Variants in TMEM19 observed in about 807,000 individuals in gnomAD.
TMEM19 encodes transmembrane protein 19.
TMEM19 carries 21 observed loss-of-function variants against 33.6 expected under a neutral mutation model. That is an observed-to-expected ratio of 0.62 (90% CI 0.44 to 0.90). The LOEUF is 0.90. Ranked by LOEUF, TMEM19 falls within the 40% of genes least tolerant of loss-of-function variation. The probability of loss-of-function intolerance (pLI) is 0.00; values close to 1 mark genes in which losing one functional copy is unlikely to be tolerated. For missense variants in TMEM19, 402 were observed against 401.8 expected, an observed-to-expected ratio of 1.00 and a Z score of 0.00; for synonymous variants, 149 against 147.5, an observed-to-expected ratio of 1.01 and a Z score of -0.07.
intron 5 of TMEM19, chr12:71,699,957 G>T (rs1881947413): frequency 6.6e-6 from 1 of 152,192 alleles, no homozygotes; most frequent in East Asian, 1.9e-4. Flanking sequence ...CACATATTCT[G>T]TTAGGTGTGT....
rs150870723 is a variant in TMEM19, at chr12:71,699,579, G to A, written c.847+470G>A. The A allele has an allele frequency of 1.0e-3, 183 of 176,852 alleles. 1 individual carries two copies. The highest frequency in any genetic ancestry group is 3.7e-3 in the African/African-American group (153 of 41,820). 11.0% of individuals were successfully genotyped at this position (176,852 alleles called of 1,614,324 possible). ...AGATATATGGTCGATGTCTGGGCACGGTGGCTCACATCTATAATCCCAGCA... is the reference window on the plus strand; with the variant it reads ...AGATATATGGTCGATGTCTGGGCACAGTGGCTCACATCTATAATCCCAGCA... On this transcript the variant is annotated intron_variant, in intron 5 of 5. Coordinates refer to ENST00000266673, the MANE Select transcript of TMEM19 (RefSeq NM_018279.4).
intron 5 of TMEM19, 79 bp from the exon 6 acceptor site, chr12:71,700,753 A>AT: frequency 7.8e-7 from 1 of 1,274,072 alleles, no homozygotes; most frequent in Non-Finnish European, 1.0e-6. Flanking sequence ...AGTATAATAA[A>AT]AAAAAAAAAA....
intron 2 of TMEM19, among the ~76,000 whole-genome samples, chr12:71,696,183 T>A (rs191922663): frequency 3.3e-3 from 503 of 152,230 alleles, no homozygotes; most frequent in Non-Finnish European, 5.3e-3. Context: ...AAGATAATTT[T>A]AAAAATATTA....
chr12:71,702,251 CA>C lies in TMEM19; in HGVS notation c.*1257del, dbSNP rs5799054. 0.061 allele frequency: 9,319 copies of C among 152,254 alleles called. 327 individuals carry two copies. The highest frequency in any genetic ancestry group is 0.088 in the South Asian group (426 of 4,826). The allele number at this position is 152,254 out of a possible 1,614,324, so 9.4% of individuals were successfully genotyped here. A position where few individuals can be genotyped will look rare whatever the true frequency, so the allele number is the denominator to read the frequency against. The stretch of plus-strand genomic sequence containing the variant: ...CCCTTAACCTTTAAGCCAGTTAGAT[CA>C]GGGGGTTGCAACAATTGGGTTAAAC... On this transcript the variant is annotated 3_prime_UTR_variant, in exon 6 of 6. Transcript: ENST00000266673.
At position 71,701,179 on chromosome 12, in the gene TMEM19, T is replaced by C. The variant is rs1048897; in HGVS notation, c.*184T>C. On this transcript the variant is annotated 3_prime_UTR_variant, in exon 6 of 6. Transcript: ENST00000266673. ...CCTGTAATAGCTAGCGTCTTTCTAG[T>C]GAAAGAGAAGAATTCCTAGAACTTA... is the stretch of plus-strand genomic sequence containing the variant. 92,517 of 503,980 alleles carry C rather than the reference T, an allele frequency of 0.18. 10,328 individuals are homozygous for C. Among genetic ancestry groups the C allele is most frequent in the East Asian group, 0.41 (12,185 of 29,412 alleles). 31.2% of individuals were successfully genotyped at this position (503,980 alleles called of 1,614,324 possible).
intron 5 of TMEM19, chr12:71,699,413 G>C (rs1189607677): frequency 3.9e-6 from 2 of 519,294 alleles, no homozygotes; most frequent in Non-Finnish European, 6.8e-6. Flanking sequence ...TTTGGGATCA[G>C]ATCATTTTAA....
At chr12:71,691,125 T>C (rs1455956388) in intron 2 of TMEM19, among the ~76,000 whole-genome samples, 2 of 152,212 alleles carry the variant, frequency 1.3e-5, no homozygotes, top group Admixed American at 1.3e-4. Context: ...CAACATTTAT[T>C]CAGTGCTTGT....
chr12:71,694,439 T>C (rs537896408), intron 2 of TMEM19, among the ~76,000 whole-genome samples: 9 of 152,350 alleles, frequency 5.9e-5, no homozygotes, highest in African/African-American at 1.9e-4. Flanking sequence ...CTCTGTCATG[T>C]ACCCAGAGTT....
intron 4 of TMEM19, among the ~76,000 whole-genome samples, chr12:71,698,415 A>C (rs1279782640): frequency 6.6e-6 from 1 of 152,214 alleles, no homozygotes; most frequent in South Asian, 2.1e-4. Context: ...AAGAAGTTAG[A>C]TAAATTAACT....
chr12:71,700,391 T>C (rs1881955713), intron 5 of TMEM19, among the ~76,000 whole-genome samples: 1 of 152,164 alleles, frequency 6.6e-6, no homozygotes, highest in African/African-American at 2.4e-5. Flanking sequence ...ACCCTGCGTT[T>C]ACAGTACTGT....
chr12:71,690,657 G>A (rs1027525907), intron 2 of TMEM19, among the ~76,000 whole-genome samples: 1 of 152,202 alleles, frequency 6.6e-6, no homozygotes, highest in African/African-American at 2.4e-5. Context: ...ATTGTAAAGT[G>A]TGTATGTTGG....
In TMEM19 at chr12:71,686,645, T is replaced by A. The variant is rs1881694038; in HGVS notation, c.-36T>A. On this transcript the variant is annotated 5_prime_UTR_variant, in exon 1 of 6. Coordinates refer to ENST00000266673, the MANE Select transcript of TMEM19 (RefSeq NM_018279.4). ...ATGACTTTCTCTCCGAAACGCTAAA[T>A]ATTCTTTCCCGCAGGAGCTCATATC... 1 of 1,606,426 alleles carries A rather than the reference T, an allele frequency of 6.2e-7. No homozygotes were observed.
chr12:71,696,983 C>G (rs950749635), intron 3 of TMEM19, among the ~76,000 whole-genome samples: 1 of 152,070 alleles, frequency 6.6e-6, no homozygotes, highest in Non-Finnish European at 1.5e-5. Flanking sequence ...TTTAAACTGT[C>G]AAAACACATC....
rs763295574 is a variant in TMEM19, at chr12:71,696,534, G to C, written c.343G>C (p.Gly115Arg). 6.2e-7 allele frequency: 1 copy of C among 1,611,436 alleles called. No homozygotes were observed. The highest frequency in any genetic ancestry group is 1.1e-5 in the South Asian group (1 of 90,658). ...LSSSKLTKWK[G>R]EVKKRLDSEY... ...TTCTTCGAAACTCACTAAATGGAAG[G>C]GAGAAGTGAAGAAGCGTCTAGATTC... The change falls in exon 3 of 6, where the codon GGA (glycine) becomes CGA (arginine). Residue 115 changes from glycine (G) to arginine (R), a missense_variant. Coordinates refer to ENST00000266673, the MANE Select transcript of TMEM19 (RefSeq NM_018279.4).
At chr12:71,697,644 T>A in intron 4 of TMEM19, 110 bp downstream of exon 4, 1 of 1,341,536 alleles carries the variant, frequency 7.5e-7, no homozygotes. Context: ...TTTAGAGCCT[T>A]TTAAGAACTT....
rs1881972779 is a variant in TMEM19, at chr12:71,701,199, A to T, written c.*204A>T. ...TCTAGTGAAAGAGAAGAATTCCTAG[A>T]ACTTATGCATTTTTTTCCTGCTGAA... On this transcript the variant is annotated 3_prime_UTR_variant, in exon 6 of 6. Coordinates refer to ENST00000266673, the MANE Select transcript of TMEM19 (RefSeq NM_018279.4). The T allele has an allele frequency of 2.2e-6, 1 of 448,942 alleles. No homozygotes were observed. The highest frequency in any genetic ancestry group is 3.8e-6 in the Non-Finnish European group (1 of 263,090). The allele number at this position is 448,942 out of a possible 1,614,324, so 27.8% of individuals were successfully genotyped here. A position where few individuals can be genotyped will look rare whatever the true frequency, so the allele number is the denominator to read the frequency against.
chr12:71,698,849 A>G, intron 4 of TMEM19, 51 bp from the exon 5 acceptor site: 1 of 1,556,970 alleles, frequency 6.4e-7, no homozygotes. Context: ...CCTTGCCTTT[A>G]TGTGTTTGCT....
chr12:71,687,054 A>G (rs1156950121), intron 1 of TMEM19, among the ~76,000 whole-genome samples: 1 of 151,926 alleles, frequency 6.6e-6, no homozygotes, highest in African/African-American at 2.4e-5. Context: ...TGTATAAGAT[A>G]GGGGTCCCTC....
At chr12:71,698,607 AAGAGAGAGAGAGAGAG>A (rs71068787) in intron 4 of TMEM19, among the ~76,000 whole-genome samples, 1,439 of 121,244 alleles carry the variant, frequency 0.012, 16 homozygotes, top group African/African-American at 0.032. Context: ...TGTCTCTGAA[AAGAGAGAGAGAGAGAG>A]AGAGAGAGAG....
Sources: allele counts gnomAD v4.1 joint callset (sites outside exome capture counted in the v4.1 genomes callset), GRCh38; gene constraint gnomAD v4.1.1; transcripts MANE v1.5; gene names NCBI Gene and HGNC (gene_info 2026-07-23, HGNC 2026-07-21).